RNGTT: variants seen among roughly 807,000 people sequenced by gnomAD.
RNGTT encodes the protein mRNA-capping enzyme.
RNGTT carries 33 observed loss-of-function variants against 79.3 expected under a neutral mutation model. The observed-to-expected ratio is 0.42, with a 90% CI of 0.32 to 0.56. RNGTT has a LOEUF of 0.56. RNGTT is among the 20% of genes least tolerant of loss of function. The probability of loss-of-function intolerance (pLI) is 0.17; values close to 1 mark genes in which losing one functional copy is unlikely to be tolerated. For synonymous variants in RNGTT, 222 were observed against 235.9 expected, an observed-to-expected ratio of 0.94 and a Z score of 0.54; for missense variants, 497 against 739.1, an observed-to-expected ratio of 0.67 and a Z score of 3.80.
chr6:88,786,034 G>A (rs916462210), intron 12 of RNGTT, among the ~76,000 whole-genome samples: 2 of 151,968 alleles, frequency 1.3e-5, no homozygotes, highest in Non-Finnish European at 2.9e-5. Context: ...AAACAATTAT[G>A]TTTTACTAAC....
intron 13 of RNGTT, among the ~76,000 whole-genome samples, chr6:88,769,478 T>C (rs2127841875): frequency 6.6e-6 from 1 of 152,048 alleles, no homozygotes; most frequent in African/African-American, 2.4e-5. Context: ...TTTTTTAATA[T>C]TATTATTACC....
At chr6:88,887,933 T>C (rs1406049534) in intron 8 of RNGTT, among the ~76,000 whole-genome samples, 3 of 152,050 alleles carry the variant, frequency 2.0e-5, no homozygotes, top group Admixed American at 6.5e-5. Context: ...CTGGGCAACA[T>C]GGCAAGATCA....
chr6:88,668,148 G>T (rs181488925), intron 14 of RNGTT, among the ~76,000 whole-genome samples: 1 of 152,224 alleles, frequency 6.6e-6, no homozygotes, highest in South Asian at 2.1e-4. Flanking sequence ...CCAGGTGATC[G>T]AGTGTGGATC....
At position 88,904,899 on chromosome 6, in the gene RNGTT, C is replaced by A. The variant is rs769417243; in HGVS notation, c.500G>T (p.Gly167Val). The change falls in exon 6 of 16, where the codon GGT becomes GTT. Residue 167 changes from glycine (G) to valine (V), a missense_variant. By Grantham distance (109) the Gly-to-Val change is moderately radical. Coordinates refer to ENST00000369485, the MANE Select transcript of RNGTT (RefSeq NM_003800.5). ...ACGAAAAAGTTCCTTCAAATAATCA[C>A]CCTTGTAGATTCCTGGTGGTCTGGC... ...AQARPPGIYK[G>V]DYLKELFRRY... 1.2e-6 allele frequency: 2 copies of A among 1,614,088 alleles called. No individual in the cohort carries two copies. Among genetic ancestry groups the A allele is most frequent in the South Asian group, 2.2e-5 (2 of 91,080 alleles).
chr6:88,710,844 G>A (rs563787969), intron 13 of RNGTT, among the ~76,000 whole-genome samples: 147 of 152,254 alleles, frequency 9.7e-4, no homozygotes, highest in Non-Finnish European at 7.2e-4. Context: ...ATATTTCACA[G>A]TGATTTTTTT....
At chr6:88,857,284 T>G (rs181158714) in intron 8 of RNGTT, among the ~76,000 whole-genome samples, 128 of 152,262 alleles carry the variant, frequency 8.4e-4, no homozygotes, top group African/African-American at 2.9e-3. Flanking sequence ...TTCCTCCCAG[T>G]AGTCTGAGAG....
chr6:88,906,986 ACTAG>A (rs1405488393), intron 4 of RNGTT, among the ~76,000 whole-genome samples: 1 of 152,230 alleles, frequency 6.6e-6, no homozygotes, highest in East Asian at 1.9e-4. Flanking sequence ...AACAAAAGTG[ACTAG>A]CTACAGAAAA....
intron 1 of RNGTT, among the ~76,000 whole-genome samples, chr6:88,960,402 G>C (rs1037708949): frequency 6.6e-6 from 1 of 152,186 alleles, no homozygotes; most frequent in African/African-American, 2.4e-5. Context: ...TTACATAGCA[G>C]ATATGAAATA....
chr6:88,899,576 C>A (rs1311664004), intron 6 of RNGTT, among the ~76,000 whole-genome samples: 1 of 151,980 alleles, frequency 6.6e-6, no homozygotes, highest in Non-Finnish European at 1.5e-5. Flanking sequence ...CTGCACCCAG[C>A]CTAATTAGAC....
At chr6:88,955,344 T>A (rs1220921681) in intron 1 of RNGTT, among the ~76,000 whole-genome samples, 3 of 150,788 alleles carry the variant, frequency 2.0e-5, no homozygotes, top group Admixed American at 2.0e-4. Flanking sequence ...AGGTCAGGAG[T>A]TCGAGACCAG....
At chr6:88,818,208 G>T (rs889953477) in intron 11 of RNGTT, among the ~76,000 whole-genome samples, 2 of 152,092 alleles carry the variant, frequency 1.3e-5, no homozygotes, top group Non-Finnish European at 2.9e-5. Flanking sequence ...TAAAAATACA[G>T]CCAAATATAC....
At chr6:88,711,691 T>C (rs537614557) in intron 13 of RNGTT, among the ~76,000 whole-genome samples, 340 of 152,346 alleles carry the variant, frequency 2.2e-3, no homozygotes, top group Non-Finnish European at 2.6e-3. Flanking sequence ...TAAGAATTTT[T>C]AGTAACTGCA....
chr6:88,839,950 T>A (rs557653526), intron 11 of RNGTT, among the ~76,000 whole-genome samples: 1 of 152,224 alleles, frequency 6.6e-6, no homozygotes, highest in Non-Finnish European at 1.5e-5. Flanking sequence ...CAAAGAGTTA[T>A]AGAGCAATAT....
intron 14 of RNGTT, chr6:88,678,115 T>C (rs1218174975): frequency 7.1e-6 from 4 of 562,718 alleles, no homozygotes; most frequent in Admixed American, 4.9e-5. Flanking sequence ...GCCTCCAGAG[T>C]AGCTGGGACT....
intron 1 of RNGTT, among the ~76,000 whole-genome samples, chr6:88,961,673 A>G (rs979664922): frequency 6.6e-6 from 1 of 152,184 alleles, no homozygotes; most frequent in Non-Finnish European, 1.5e-5. Flanking sequence ...AGTCCTTTGA[A>G]TTTCTTCTGT....
At chr6:88,808,400 AG>A (rs1459351576) in intron 11 of RNGTT, among the ~76,000 whole-genome samples, 2 of 152,202 alleles carry the variant, frequency 1.3e-5, no homozygotes, top group Non-Finnish European at 1.5e-5. Flanking sequence ...AGGCCCAAAA[AG>A]TGGAGATATA....
intron 4 of RNGTT, among the ~76,000 whole-genome samples, chr6:88,924,803 A>C (rs1298757417): frequency 6.6e-6 from 1 of 151,018 alleles, no homozygotes; most frequent in Admixed American, 6.6e-5. Context: ...ACCTCACTAT[A>C]GCCTCAAACT....
At chr6:88,745,362 G>A (rs1315415637) in intron 13 of RNGTT, among the ~76,000 whole-genome samples, 1 of 152,054 alleles carries the variant, frequency 6.6e-6, no homozygotes, top group Non-Finnish European at 1.5e-5. Context: ...CGAGGTATTG[G>A]GAATCAAGTT....
intron 8 of RNGTT, among the ~76,000 whole-genome samples, chr6:88,889,761 C>T (rs1782981596): frequency 6.6e-6 from 1 of 151,988 alleles, no homozygotes; most frequent in South Asian, 2.1e-4. Flanking sequence ...AATATCTTGA[C>T]CAGCCTGGGC....
Sources: gnomAD v4.1 joint callset for allele counts (sites outside exome capture counted in the v4.1 genomes callset) on GRCh38, gnomAD v4.1.1 for gene constraint, MANE v1.5 for transcripts, NCBI Gene and HGNC (gene_info 2026-07-23, HGNC 2026-07-21) for gene names.